EXOC6: variants seen among roughly 807,000 people sequenced by gnomAD.
The protein encoded by EXOC6 is exocyst complex component 6.
Under a neutral mutation model 112.5 loss-of-function variants are expected in EXOC6, and 60 were observed. The observed-to-expected ratio is 0.53, with a 90% confidence interval of 0.43 to 0.66. EXOC6 has a LOEUF of 0.66. Ranked by LOEUF, EXOC6 falls within the 30% of genes least tolerant of loss-of-function variation. EXOC6 has a pLI of 0.00. For missense variants in EXOC6, 855 were observed against 957.1 expected, an observed-to-expected ratio of 0.89 and a Z score of 1.41; for synonymous variants, 295 against 308.0, an observed-to-expected ratio of 0.96 and a Z score of 0.44.
At chr10:92,931,687 T>A (rs1187006067) in intron 9 of EXOC6, among the ~76,000 whole-genome samples, 3 of 151,846 alleles carry the variant, frequency 2.0e-5, no homozygotes, top group African/African-American at 7.2e-5. Context: ...TATGAGAAGA[T>A]GCTCAGTATA....
At chr10:92,974,933 C>G (rs1842451492) in intron 18 of EXOC6, among the ~76,000 whole-genome samples, 1 of 152,216 alleles carries the variant, frequency 6.6e-6, no homozygotes, top group African/African-American at 2.4e-5. Context: ...CACCTCCCAG[C>G]CACCTGCCTT....
intron 17 of EXOC6, among the ~76,000 whole-genome samples, chr10:92,961,246 T>A (rs1236798071): frequency 6.6e-6 from 1 of 152,214 alleles, no homozygotes; most frequent in East Asian, 1.9e-4. Flanking sequence ...TTATATGCTT[T>A]TTTATTGATG....
intron 20 of EXOC6, among the ~76,000 whole-genome samples, chr10:93,044,696 A>T (rs185075101): frequency 6.6e-6 from 1 of 151,778 alleles, no homozygotes; most frequent in East Asian, 1.9e-4. Flanking sequence ...ATTGGAGTCT[A>T]TTTTTTTTCC....
At position 92,927,942 on chromosome 10, in the gene EXOC6, G is replaced by C. The variant is rs7914965; in HGVS notation, c.889-397G>C. Among the ~76,000 whole-genome samples the C allele has an allele frequency of 8.0e-3, 1,215 of 152,282 alleles. 7 individuals carry two copies. The highest frequency in any genetic ancestry group is 0.044 in the Middle Eastern group (13 of 294). On this transcript the variant is annotated intron_variant, in intron 8 of 21. Coordinates refer to ENST00000260762, the MANE Select transcript of EXOC6 (RefSeq NM_019053.6). ...TGAGAGTGAAAGAGTAGCAAGAGATGAGGCAGGGGCTTGTATAACATGCTC... is the reference window on the plus strand; with the variant it reads ...TGAGAGTGAAAGAGTAGCAAGAGATCAGGCAGGGGCTTGTATAACATGCTC...
intron 18 of EXOC6, among the ~76,000 whole-genome samples, chr10:92,975,463 C>G (rs1189351881): frequency 6.7e-6 from 1 of 149,384 alleles, no homozygotes; most frequent in Non-Finnish European, 1.5e-5. Flanking sequence ...CCGCCCCGTC[C>G]GGGAGGGAGG....
In EXOC6 at chr10:92,980,889, T is replaced by A. The variant is rs12416479; in HGVS notation, c.1953+6657T>A. The stretch of plus-strand genomic sequence containing the variant: ...AGATCATCATTGTTTTAGCTGGGCA[T>A]GGTGGCGGGCACCTGTAATTCCAGC... On this transcript the variant is annotated intron_variant, in intron 18 of 21. Coordinates refer to ENST00000260762, the MANE Select transcript of EXOC6 (RefSeq NM_019053.6). 8.3e-3 allele frequency among the ~76,000 whole-genome samples: 1,264 copies of A among 152,304 alleles called. 43 individuals are homozygous for A. Among genetic ancestry groups the A allele is most frequent in the Admixed American group, 0.055 (846 of 15,298 alleles).
At chr10:92,949,575 G>C (rs188284624) in intron 14 of EXOC6, among the ~76,000 whole-genome samples, 177 of 147,706 alleles carry the variant, frequency 1.2e-3, no homozygotes, top group African/African-American at 4.2e-3. Context: ...CTAGATTCAT[G>C]TGCTAGCTCT....
At chr10:92,934,567 T>TA (rs1852244537) in intron 11 of EXOC6, 137 bp downstream of exon 11, 4 of 706,330 alleles carry the variant, frequency 5.7e-6, no homozygotes, top group Admixed American at 7.4e-5. Flanking sequence ...GAAGTAGTAA[T>TA]GTCAGGCTTT....
intron 17 of EXOC6, among the ~76,000 whole-genome samples, chr10:92,962,858 G>T (rs899186551): frequency 3.3e-5 from 5 of 152,176 alleles, no homozygotes; most frequent in East Asian, 1.9e-4. Context: ...ATTTGGTTTT[G>T]TGGTTTTTCT....
chr10:93,053,481 GACTT>G (rs1846400722), intron 20 of EXOC6, among the ~76,000 whole-genome samples: 1 of 152,182 alleles, frequency 6.6e-6, no homozygotes, highest in Non-Finnish European at 1.5e-5. Flanking sequence ...AAGATCATTT[GACTT>G]ACTTAACGTT....
chr10:92,993,958 T>C (rs139325851), intron 18 of EXOC6, among the ~76,000 whole-genome samples: 1 of 152,208 alleles, frequency 6.6e-6, no homozygotes, highest in Non-Finnish European at 1.5e-5. Context: ...TCTTACTGAT[T>C]TCACCAAATG....
intron 9 of EXOC6, among the ~76,000 whole-genome samples, chr10:92,930,291 T>G (rs1375822158): frequency 2.0e-5 from 3 of 151,428 alleles, no homozygotes; most frequent in Non-Finnish European, 4.4e-5. Context: ...TCACCTAAGG[T>G]CAGGAGTTTG....
intron 20 of EXOC6, among the ~76,000 whole-genome samples, chr10:93,035,181 A>G (rs1845460419): frequency 6.6e-6 from 1 of 152,202 alleles, no homozygotes; most frequent in Admixed American, 6.5e-5. Context: ...CTGAACCTAA[A>G]TGACTTTTGC....
At chr10:92,914,119 A>G (rs920013142) in intron 6 of EXOC6, among the ~76,000 whole-genome samples, 2 of 152,178 alleles carry the variant, frequency 1.3e-5, no homozygotes, top group Non-Finnish European at 2.9e-5. Context: ...GTGGCTTGCT[A>G]AAGAGGATTA....
At chr10:93,016,623 T>A (rs1394177216) in intron 20 of EXOC6, among the ~76,000 whole-genome samples, 1 of 152,204 alleles carries the variant, frequency 6.6e-6, no homozygotes, top group Admixed American at 6.5e-5. Flanking sequence ...TGAGAAACAT[T>A]GTCAAATAAG....
intron 20 of EXOC6, among the ~76,000 whole-genome samples, chr10:93,048,304 A>G (rs1260276263): frequency 1.3e-5 from 2 of 152,022 alleles, no homozygotes; most frequent in African/African-American, 2.4e-5. Context: ...ATTTGAAGTG[A>G]ATCTACTTGA....
At chr10:92,962,354 A>C (rs1329274906) in intron 17 of EXOC6, among the ~76,000 whole-genome samples, 4 of 152,090 alleles carry the variant, frequency 2.6e-5, no homozygotes, top group Non-Finnish European at 5.9e-5. Context: ...GCAAAAATGT[A>C]TATATAATGT....
intron 1 of EXOC6, among the ~76,000 whole-genome samples, chr10:92,836,306 C>A (rs1052678956): frequency 6.6e-6 from 1 of 152,204 alleles, no homozygotes; most frequent in African/African-American, 2.4e-5. Context: ...GACTTCCTTT[C>A]TTGGTGCTTG....
At chr10:92,854,310 G>A (rs928242244) in intron 1 of EXOC6, among the ~76,000 whole-genome samples, 2 of 151,824 alleles carry the variant, frequency 1.3e-5, no homozygotes, top group African/African-American at 2.4e-5. Flanking sequence ...GGTAGCACAC[G>A]CCTGTAGTCC....
Sources: allele counts gnomAD v4.1 joint callset (sites outside exome capture counted in the v4.1 genomes callset), GRCh38; gene constraint gnomAD v4.1.1; transcripts MANE v1.5; gene names NCBI Gene and HGNC (gene_info 2026-07-23, HGNC 2026-07-21).